The following CIMIP3 variants were observed in gnomAD, a reference collection of about 807,000 sequenced individuals.
CIMIP3 encodes the protein ciliary microtubule inner protein 3.
the CIMIP3 span, among the ~76,000 whole-genome samples, chr6:42,158,880 G>A: frequency 1.3e-5 from 2 of 152,144 alleles, no homozygotes; most frequent in African/African-American, 4.8e-5. Context: ...CCAACCCCAT[G>A]AGCCCAAGAT....
the CIMIP3 span, among the ~76,000 whole-genome samples, chr6:42,161,762 C>T: frequency 6.6e-6 from 1 of 152,036 alleles, no homozygotes; most frequent in Non-Finnish European, 1.5e-5. Context: ...AGCGGGTACC[C>T]CTTACTAGAA....
chr6:42,162,593 A>G, the CIMIP3 span, among the ~76,000 whole-genome samples: 1 of 139,854 alleles, frequency 7.2e-6, no homozygotes, highest in Non-Finnish European at 1.5e-5. Flanking sequence ...CACAGGAGCC[A>G]GGCCAAGGAC....
the CIMIP3 span, among the ~76,000 whole-genome samples, chr6:42,161,760 C>T: frequency 5.5e-4 from 84 of 152,118 alleles, 1 homozygote; most frequent in African/African-American, 2.0e-3. Flanking sequence ...TGAGCGGGTA[C>T]CCCTTACTAG....
the CIMIP3 span, chr6:42,155,645 C>T: frequency 4.2e-6 from 3 of 717,078 alleles, no homozygotes; most frequent in Non-Finnish European, 7.8e-6. Flanking sequence ...GTGCTGCTGC[C>T]TGCCTTGTAC....
chr6:42,159,425 G>C, the CIMIP3 span, among the ~76,000 whole-genome samples: 2 of 152,206 alleles, frequency 1.3e-5, no homozygotes, highest in Non-Finnish European at 2.9e-5. Context: ...GGTTGTGAAT[G>C]AACGAATGAA....
chr6:42,162,939 T>C, the CIMIP3 span: 1 of 678,738 alleles, frequency 1.5e-6, no homozygotes, highest in African/African-American at 1.8e-5. Flanking sequence ...AAACCCTCTG[T>C]ACCCAGTCAT....
chr6:42,161,611 C>T, the CIMIP3 span, among the ~76,000 whole-genome samples: 2 of 152,098 alleles, frequency 1.3e-5, no homozygotes, highest in Non-Finnish European at 2.9e-5. Flanking sequence ...TCAATGGGGG[C>T]CTCCTAGAGA....
the CIMIP3 span, among the ~76,000 whole-genome samples, chr6:42,156,882 G>A: frequency 6.6e-6 from 1 of 152,230 alleles, no homozygotes; most frequent in Non-Finnish European, 1.5e-5. Flanking sequence ...TGCCCCTGGG[G>A]GCCCTCACCA....
At chr6:42,163,380 A>G in the CIMIP3 span, 5 of 413,142 alleles carry the variant, frequency 1.2e-5, no homozygotes, top group Non-Finnish European at 2.1e-5. Context: ...ATGCCCACCT[A>G]TTGACAATGA....
the CIMIP3 span, among the ~76,000 whole-genome samples, chr6:42,160,159 A>ATT: frequency 1.9e-4 from 28 of 149,596 alleles, no homozygotes; most frequent in Middle Eastern, 3.4e-3. Context: ...CTAATTTTTA[A>ATT]TTTTTTTTTT....
At chr6:42,157,397 C>A in the CIMIP3 span, among the ~76,000 whole-genome samples, 2 of 151,934 alleles carry the variant, frequency 1.3e-5, no homozygotes, top group Non-Finnish European at 2.9e-5. Context: ...TACAGGCGTG[C>A]ACCATCACAC....
At chr6:42,159,442 CAT>C in the CIMIP3 span, among the ~76,000 whole-genome samples, 2 of 152,220 alleles carry the variant, frequency 1.3e-5, no homozygotes, top group Admixed American at 1.3e-4. Context: ...TGAAGCAACT[CAT>C]GTCCTATCCT....
At chr6:42,157,628 A>G in the CIMIP3 span, among the ~76,000 whole-genome samples, 1 of 151,718 alleles carries the variant, frequency 6.6e-6, no homozygotes, top group South Asian at 2.1e-4. Context: ...GGCCTCAAGC[A>G]ATCCTCCTGC....
At chr6:42,162,638 G>A in the CIMIP3 span, among the ~76,000 whole-genome samples, 2 of 151,776 alleles carry the variant, frequency 1.3e-5, no homozygotes, top group Admixed American at 6.6e-5. Context: ...AAGGGGGGTG[G>A]GGAGGGACTG....
At chr6:42,157,642 G>A in the CIMIP3 span, among the ~76,000 whole-genome samples, 2 of 151,680 alleles carry the variant, frequency 1.3e-5, no homozygotes, top group Non-Finnish European at 2.9e-5. Context: ...CTCCTGCCTT[G>A]GCCTCCCAAA....
chr6:42,158,671 G>A, the CIMIP3 span, among the ~76,000 whole-genome samples: 2 of 152,190 alleles, frequency 1.3e-5, no homozygotes, highest in East Asian at 1.9e-4. Flanking sequence ...TGATGCCTCC[G>A]AGCCTCAGTT....
At chr6:42,160,105 C>A in the CIMIP3 span, among the ~76,000 whole-genome samples, 1 of 152,132 alleles carries the variant, frequency 6.6e-6, no homozygotes, top group Admixed American at 6.5e-5. Context: ...CCTGCCTCAA[C>A]CTCCTGAGTG....
At chr6:42,158,345 A>T in the CIMIP3 span, among the ~76,000 whole-genome samples, 3 of 151,074 alleles carry the variant, frequency 2.0e-5, no homozygotes, top group South Asian at 2.1e-4. Flanking sequence ...GTGCTGCCTG[A>T]CTCCCTCTTC....
At chr6:42,155,465 C>T in the CIMIP3 span, 1 of 697,416 alleles carries the variant, frequency 1.4e-6, no homozygotes, top group Non-Finnish European at 2.7e-6. Context: ...TCAAGAAAGG[C>T]CCTGGTCCAG....
Sources: gnomAD v4.1 joint callset for allele counts (sites outside exome capture counted in the v4.1 genomes callset) on GRCh38, gnomAD v4.1.1 for gene constraint, MANE v1.5 for transcripts, NCBI Gene and HGNC (gene_info 2026-07-23, HGNC 2026-07-21) for gene names.